Variants in HLF observed in about 807,000 individuals in gnomAD.
HLF encodes the protein HLF transcription factor, PAR bZIP family member.
Under a neutral mutation model 22.6 loss-of-function variants are expected in HLF, and 3 were observed. The observed-to-expected ratio is 0.13, with a 90% confidence interval of 0.06 to 0.34. The LOEUF is 0.34. HLF is among the 10% of genes least tolerant of loss of function. The probability of loss-of-function intolerance (pLI) is 1.00; values close to 1 mark genes in which losing one functional copy is unlikely to be tolerated. For synonymous variants in HLF, 151 were observed against 151.8 expected (o/e 0.99, Z 0.04); for missense variants, 299 against 389.2 (o/e 0.77, Z 1.95).
chr17:55,324,794 T>G lies in HLF; in HGVS notation c.*3915T>G, dbSNP rs1240684046. On this transcript the variant is annotated 3_prime_UTR_variant, in exon 4 of 4. Transcript: ENST00000226067. ...TTGCAGGAGGCTAAGTGTAAGAGTGTGTGTGTGTGTGTGTGCGTGCATGTG... is the reference window on the plus strand; with the variant it reads ...TTGCAGGAGGCTAAGTGTAAGAGTGGGTGTGTGTGTGTGTGCGTGCATGTG... 1 of 223,954 alleles carries G rather than the reference T, an allele frequency of 4.5e-6. No homozygotes were observed. The highest frequency in any genetic ancestry group is 6.3e-5 in the East Asian group (1 of 15,906). 13.9% of individuals were successfully genotyped at this position (223,954 alleles called of 1,614,324 possible). A position where few individuals can be genotyped will look rare whatever the true frequency, so the allele number is the denominator to read the frequency against.
chr17:55,288,882 G>T, intron 2 of HLF: 2 of 984,138 alleles, frequency 2.0e-6, no homozygotes, highest in Non-Finnish European at 1.2e-6. Flanking sequence ...TAATCACAGA[G>T]ACATGATTGG....
At chr17:55,290,140 T>C (rs2081047069) in intron 2 of HLF, among the ~76,000 whole-genome samples, 1 of 152,170 alleles carries the variant, frequency 6.6e-6, no homozygotes, top group African/African-American at 2.4e-5. Context: ...ACAGAAGGCC[T>C]TGGTACAGCC....
At chr17:55,279,007 G>T (rs1292751262) in intron 2 of HLF, among the ~76,000 whole-genome samples, 1 of 152,166 alleles carries the variant, frequency 6.6e-6, no homozygotes, top group East Asian at 1.9e-4. Context: ...AACTGACCTT[G>T]TAAGAATTTC....
chr17:55,312,339 A>ATATTAAAAATGG (rs1163813668), intron 2 of HLF, among the ~76,000 whole-genome samples: 1 of 152,090 alleles, frequency 6.6e-6, no homozygotes, highest in Non-Finnish European at 1.5e-5. Flanking sequence ...TTATTTCTTG[A>ATATTAAAAATGG]CTTTTTAATA....
chr17:55,302,697 G>A (rs1904353518), intron 2 of HLF, among the ~76,000 whole-genome samples: 1 of 152,174 alleles, frequency 6.6e-6, no homozygotes, highest in African/African-American at 2.4e-5. Context: ...AGCCATGGCA[G>A]CTCTTTGAAA....
chr17:55,315,191 G>A (rs938143926), intron 2 of HLF, 36 bp from the exon 3 acceptor site: 2 of 1,548,436 alleles, frequency 1.3e-6, no homozygotes, highest in Non-Finnish European at 1.8e-6. Context: ...GGTCTCTCTA[G>A]GGTGTTCATG....
intron 2 of HLF, among the ~76,000 whole-genome samples, chr17:55,288,330 TAGAG>T (rs1470443587): frequency 3.9e-5 from 6 of 152,036 alleles, no homozygotes; most frequent in Non-Finnish European, 8.8e-5. Context: ...GTATTTTTAG[TAGAG>T]AGGGAGTTTC....
At chr17:55,281,608 C>T (rs1300190659) in intron 2 of HLF, among the ~76,000 whole-genome samples, 1 of 152,184 alleles carries the variant, frequency 6.6e-6, no homozygotes, top group African/African-American at 2.4e-5. Context: ...CAGATAAATT[C>T]AGTATGAAAT....
intron 2 of HLF, among the ~76,000 whole-genome samples, chr17:55,291,878 A>T (rs769794696): frequency 2.0e-5 from 3 of 152,234 alleles, no homozygotes; most frequent in Non-Finnish European, 4.4e-5. Context: ...GTTGATTGCA[A>T]CCCTTATAGT....
chr17:55,315,828 G>A (rs910471469), intron 3 of HLF, among the ~76,000 whole-genome samples: 7 of 152,174 alleles, frequency 4.6e-5, no homozygotes, highest in African/African-American at 1.2e-4. Context: ...CATTGCCCTC[G>A]AAGGGTTACC....
chr17:55,324,165 C>A lies in HLF; in HGVS notation c.*3286C>A. 1 of 225,294 alleles carries A rather than the reference C, an allele frequency of 4.4e-6. No homozygotes were observed. The highest frequency in any genetic ancestry group is 8.9e-6 in the Non-Finnish European group (1 of 112,980). 14.0% of individuals were successfully genotyped at this position (225,294 alleles called of 1,614,324 possible). ...TGTCTTCAAATACAACAGGCCTCCACTGACCCATCCCTCAAAGCAGAAGGA... is the reference window on the plus strand; with the variant it reads ...TGTCTTCAAATACAACAGGCCTCCAATGACCCATCCCTCAAAGCAGAAGGA... On this transcript the variant is annotated 3_prime_UTR_variant, in exon 4 of 4. Transcript: ENST00000226067.
intron 2 of HLF, chr17:55,273,718 G>A (rs1204135982): frequency 1.3e-5 from 2 of 151,664 alleles, no homozygotes; most frequent in Non-Finnish European, 2.9e-5. Context: ...GCTGTGCCCT[G>A]TGGAGCTTGC....
intron 2 of HLF, among the ~76,000 whole-genome samples, chr17:55,311,587 C>T (rs1430441210): frequency 2.0e-5 from 3 of 152,160 alleles, no homozygotes; most frequent in Admixed American, 1.3e-4. Flanking sequence ...TTGTGTGACA[C>T]GTGCACTCTT....
intron 2 of HLF, among the ~76,000 whole-genome samples, chr17:55,297,950 A>T (rs2081124653): frequency 6.6e-6 from 1 of 151,696 alleles, no homozygotes; most frequent in African/African-American, 2.4e-5. Context: ...GAGTTTCGCC[A>T]TGTTGGTTGG....
intron 2 of HLF, among the ~76,000 whole-genome samples, chr17:55,302,573 G>T (rs1904344524): frequency 6.6e-6 from 1 of 152,084 alleles, no homozygotes; most frequent in African/African-American, 2.4e-5. Flanking sequence ...AGTTCACAGG[G>T]GTTCTTAGTG....
At chr17:55,268,223 C>T in intron 2 of HLF, 137 bp downstream of exon 2, 1 of 596,322 alleles carries the variant, frequency 1.7e-6, no homozygotes, top group Non-Finnish European at 2.9e-6. Context: ...CTGCTCCACT[C>T]CTGGCAGAGG....
chr17:55,266,549 A>G (rs907796301), intron 1 of HLF, among the ~76,000 whole-genome samples: 2 of 152,122 alleles, frequency 1.3e-5, no homozygotes, highest in Non-Finnish European at 2.9e-5. Flanking sequence ...GGAGAGGACA[A>G]CCTGTTGCAT....
Position 55,324,509 on chromosome 17 carries a change from G to A in HLF, c.*3630G>A, listed in dbSNP as rs991829799. Reference sequence around the variant, plus strand: ...AATCTTTATCACAGTCAATTAGAGCGATCCCAAGGCATGGGACCAGGCCTG... The same window carrying A: ...AATCTTTATCACAGTCAATTAGAGCAATCCCAAGGCATGGGACCAGGCCTG... On this transcript the variant is annotated 3_prime_UTR_variant, in exon 4 of 4. Transcript: ENST00000226067. 3.5e-5 allele frequency: 8 copies of A among 231,690 alleles called. No homozygotes were observed. The highest frequency in any genetic ancestry group is 1.3e-4 in the African/African-American group (6 of 45,220). The allele number at this position is 231,690 out of a possible 1,614,324, so 14.4% of individuals were successfully genotyped here.
rs368767485 is a variant in HLF at position 55,265,479 on chromosome 17, A to C, written c.-6A>C. ...TTTTAAGGGGAAAAAATTTGAGTGC[A>C]TCGCGATGGAGAAAATGTCCCGACC... On this transcript the variant is annotated 5_prime_UTR_variant, in exon 1 of 4. Transcript: ENST00000226067. 6 of 1,555,618 alleles carry C rather than the reference A, an allele frequency of 3.9e-6. No homozygotes were observed. Among genetic ancestry groups the C allele is most frequent in the Non-Finnish European group, 5.3e-6 (6 of 1,129,718 alleles).
Sources: allele counts gnomAD v4.1 joint callset (sites outside exome capture counted in the v4.1 genomes callset), GRCh38; gene constraint gnomAD v4.1.1; transcripts MANE v1.5; gene names NCBI Gene and HGNC (gene_info 2026-07-23, HGNC 2026-07-21).